Variants in MAPK10 observed in about 807,000 individuals in gnomAD.
MAPK10 encodes mitogen-activated protein kinase 10, also known as JNK3 alpha protein kinase.
In MAPK10, 25 loss-of-function variants were observed where a neutral mutation model predicts 59.3. The ratio of observed to expected loss-of-function variants is 0.42; its 90% CI spans 0.31 to 0.59. The LOEUF (loss-of-function observed/expected upper bound fraction) is 0.59. Ranked by LOEUF, MAPK10 falls within the 20% of genes least tolerant of loss-of-function variation. The pLI, the probability that MAPK10 is intolerant of heterozygous loss-of-function variation, is 0.15. For synonymous variants in MAPK10, 190 were observed against 200.5 expected (o/e 0.95, Z 0.44); for missense variants, 351 against 568.9 (o/e 0.62, Z 3.90).
intron 4 of MAPK10, among the ~76,000 whole-genome samples, chr4:86,144,930 A>G (rs1290145048): frequency 2.0e-5 from 3 of 152,198 alleles, no homozygotes; most frequent in Admixed American, 2.0e-4. Flanking sequence ...ATAAATTTGC[A>G]CACTATGGAC....
chr4:86,471,008 C>T (rs1579324967), intron 1 of MAPK10, among the ~76,000 whole-genome samples: 1 of 152,272 alleles, frequency 6.6e-6, no homozygotes, highest in African/African-American at 2.4e-5. Flanking sequence ...TGGTGGCTCA[C>T]ACCTGTAATC....
intron 1 of MAPK10, among the ~76,000 whole-genome samples, chr4:86,477,582 C>T (rs1221275689): frequency 6.6e-6 from 1 of 152,164 alleles, no homozygotes; most frequent in African/African-American, 2.4e-5. Context: ...AATATCCCAT[C>T]CCACAGCACG....
intron 8 of MAPK10, chr4:86,099,328 T>C (rs1172607011): frequency 6.6e-6 from 1 of 152,228 alleles, no homozygotes; most frequent in African/African-American, 2.4e-5. Context: ...TTAAAAATTG[T>C]TATGTACATA....
intron 2 of MAPK10, among the ~76,000 whole-genome samples, chr4:86,226,997 A>AT (rs1307485136): frequency 1.3e-5 from 2 of 152,116 alleles, no homozygotes; most frequent in Admixed American, 6.6e-5. Flanking sequence ...GCTTTTCCTG[A>AT]TTTTTTGAAA....
At chr4:86,440,165 AT>A (rs1200452872) in intron 1 of MAPK10, among the ~76,000 whole-genome samples, 1 of 152,190 alleles carries the variant, frequency 6.6e-6, no homozygotes, top group African/African-American at 2.4e-5. Flanking sequence ...CTAGCTGAAT[AT>A]TTGCCCTGGC....
chr4:86,015,632 T>C lies in MAPK10; in HGVS notation c.*1596A>G, dbSNP rs969136902. Reference sequence around the variant, plus strand: ...CTCAGGAAAGCACTTTCATTTAATTTAATTTAAGCTAAATTCTGGAGATTT... The same window carrying C: ...CTCAGGAAAGCACTTTCATTTAATTCAATTTAAGCTAAATTCTGGAGATTT... On this transcript the variant is annotated 3_prime_UTR_variant, in exon 14 of 14. Transcript: ENST00000641462. 7 of 152,242 alleles carry C rather than the reference T, an allele frequency of 4.6e-5. No individual in the cohort carries two copies. The highest frequency in any genetic ancestry group is 3.3e-4 in the Admixed American group (5 of 15,282). 9.4% of individuals were successfully genotyped at this position (152,242 alleles called of 1,614,324 possible).
intron 2 of MAPK10, among the ~76,000 whole-genome samples, chr4:86,246,234 A>C (rs1318487560): frequency 6.6e-6 from 1 of 152,172 alleles, no homozygotes; most frequent in Non-Finnish European, 1.5e-5. Flanking sequence ...GATCGAGACT[A>C]TCCTGGCTAA....
chr4:86,578,760 T>A (rs986604813), intron 1 of MAPK10, among the ~76,000 whole-genome samples: 18 of 151,752 alleles, frequency 1.2e-4, no homozygotes, highest in Non-Finnish European at 2.4e-4. Flanking sequence ...GGAAAAAGTT[T>A]CATGGAGGAG....
rs184047109 is a variant in MAPK10, at chr4:86,359,794, C to T, written c.-258G>A. The T allele has an allele frequency of 3.0e-6, 3 of 985,556 alleles. No individual in the cohort carries two copies. The highest frequency in any genetic ancestry group is 2.3e-4 in the East Asian group (2 of 8,788). The allele number at this position is 985,556 out of a possible 1,614,324, so 61.1% of individuals were successfully genotyped here. ...AGATATGGAGATTGTTTAAAATTAACGATGGACAGGTGATTTCCAAGAAAA... is the reference window on the plus strand; with the variant it reads ...AGATATGGAGATTGTTTAAAATTAATGATGGACAGGTGATTTCCAAGAAAA... On this transcript the variant is annotated 5_prime_UTR_variant, in exon 1 of 14. Transcript: ENST00000641462.
chr4:86,339,937 G>A (rs1320094838), intron 2 of MAPK10, among the ~76,000 whole-genome samples: 1 of 152,110 alleles, frequency 6.6e-6, no homozygotes, highest in African/African-American at 2.4e-5. Flanking sequence ...TATTCTTACT[G>A]TACCAATTTA....
chr4:86,408,673 G>A (rs910565802), intron 1 of MAPK10, among the ~76,000 whole-genome samples: 8 of 152,146 alleles, frequency 5.3e-5, no homozygotes, highest in African/African-American at 1.7e-4. Context: ...ATTTTTTCAT[G>A]TGTCTGTTGG....
intron 2 of MAPK10, among the ~76,000 whole-genome samples, chr4:86,238,477 G>A (rs950240240): frequency 5.3e-5 from 8 of 152,178 alleles, no homozygotes; most frequent in Admixed American, 5.2e-4. Context: ...TCCTTTCCAT[G>A]AGGATGGAAT....
chr4:86,234,408 A>C (rs1277242624), intron 2 of MAPK10, among the ~76,000 whole-genome samples: 1 of 152,170 alleles, frequency 6.6e-6, no homozygotes, highest in African/African-American at 2.4e-5. Context: ...TAATATCATA[A>C]TACTACTTAT....
chr4:86,256,780 G>A (rs1407994128), intron 2 of MAPK10, among the ~76,000 whole-genome samples: 4 of 117,744 alleles, frequency 3.4e-5, no homozygotes, highest in Admixed American at 1.3e-4. Context: ...TCTCTCTGTC[G>A]CCCAGGCTGG....
chr4:86,060,762 C>T (rs563641362), intron 11 of MAPK10, among the ~76,000 whole-genome samples: 69 of 152,050 alleles, frequency 4.5e-4, no homozygotes, highest in African/African-American at 1.6e-3. Context: ...TTTTCTTCTA[C>T]CTGGCAAAGA....
chr4:86,039,787 C>G (rs1444061172), intron 11 of MAPK10, among the ~76,000 whole-genome samples: 3 of 152,164 alleles, frequency 2.0e-5, no homozygotes, highest in Non-Finnish European at 4.4e-5. Flanking sequence ...ACATAGGCGT[C>G]AGGTCTGCCC....
At chr4:86,330,247 C>G (rs575883203) in intron 2 of MAPK10, among the ~76,000 whole-genome samples, 1 of 152,300 alleles carries the variant, frequency 6.6e-6, no homozygotes, top group Non-Finnish European at 1.5e-5. Context: ...CAGAAGCCTG[C>G]TAGTTTTATG....
At chr4:86,405,603 C>A (rs762485264) in intron 1 of MAPK10, among the ~76,000 whole-genome samples, 2 of 152,118 alleles carry the variant, frequency 1.3e-5, no homozygotes, top group Admixed American at 6.5e-5. Context: ...AATATTTGGG[C>A]AATTAAAGGT....
chr4:86,125,323 A>G (rs1040163337), intron 4 of MAPK10: 2 of 152,002 alleles, frequency 1.3e-5, no homozygotes, highest in African/African-American at 4.8e-5. Flanking sequence ...GATGTACCAC[A>G]GTAATTATTC....
Sources: allele counts gnomAD v4.1 joint callset (sites outside exome capture counted in the v4.1 genomes callset), GRCh38; gene constraint gnomAD v4.1.1; transcripts MANE v1.5; gene names NCBI Gene and HGNC (gene_info 2026-07-23, HGNC 2026-07-21).